DTNA: variants seen among roughly 807,000 people sequenced by gnomAD.
DTNA encodes the protein dystrophin-related protein 3.
In DTNA, 43 loss-of-function variants were observed where a neutral mutation model predicts 100.7. The observed-to-expected ratio is 0.43, with a 90% CI of 0.33 to 0.55. The LOEUF is 0.55. Among genes scored for constraint, DTNA ranks in the 20% least tolerant of loss-of-function variants. The pLI is 0.04. For synonymous variants in DTNA, 349 were observed against 347.9 expected, an observed-to-expected ratio of 1.00 and a Z score of -0.04; for missense variants, 798 against 953.9, an observed-to-expected ratio of 0.84 and a Z score of 2.15.
chr18:34,528,558 G>A (rs899605554), intron 1 of DTNA, among the ~76,000 whole-genome samples: 6 of 152,036 alleles, frequency 3.9e-5, no homozygotes, highest in African/African-American at 1.4e-4. Flanking sequence ...ATAACTGCGA[G>A]TGTGTTAGGT....
At chr18:34,651,871 C>G (rs1160680740) in intron 1 of DTNA, among the ~76,000 whole-genome samples, 2 of 152,022 alleles carry the variant, frequency 1.3e-5, no homozygotes, top group African/African-American at 4.8e-5. Context: ...TGAGACCAGC[C>G]TGAGGAACAC....
intron 4 of DTNA, among the ~76,000 whole-genome samples, chr18:34,794,802 T>C (rs2094899847): frequency 6.6e-6 from 1 of 152,166 alleles, no homozygotes; most frequent in African/African-American, 2.4e-5. Context: ...CTCAGCTTCA[T>C]TTTTGTATAA....
chr18:34,771,955 A>G (rs1049657651), intron 3 of DTNA, among the ~76,000 whole-genome samples: 1 of 54,700 alleles, frequency 1.8e-5, no homozygotes. Context: ...ATGTCAGCAG[A>G]TCTTTTTTTT....
intron 1 of DTNA, among the ~76,000 whole-genome samples, chr18:34,518,354 C>G (rs2041850991): frequency 6.6e-6 from 1 of 151,948 alleles, no homozygotes; most frequent in African/African-American, 2.4e-5. Context: ...CAAATAGTTT[C>G]TTTCAGTGTG....
intron 1 of DTNA, among the ~76,000 whole-genome samples, chr18:34,502,477 T>C (rs1228974464): frequency 6.6e-6 from 1 of 152,204 alleles, no homozygotes; most frequent in East Asian, 1.9e-4. Flanking sequence ...TTTCCTCTTT[T>C]CTAATGTATG....
chr18:34,717,599 A>T (rs569393443), intron 1 of DTNA, among the ~76,000 whole-genome samples: 1 of 152,306 alleles, frequency 6.6e-6, no homozygotes, highest in Admixed American at 6.5e-5. Context: ...TATATTGAAT[A>T]TATTTGTGTT....
chr18:34,626,748 C>T (rs1031761903), intron 1 of DTNA, among the ~76,000 whole-genome samples: 1 of 152,322 alleles, frequency 6.6e-6, no homozygotes, highest in Admixed American at 6.5e-5. Context: ...AGGGTCTGCT[C>T]CAGTTGGCAT....
rs954418044 is a variant in DTNA at position 34,812,024 on chromosome 18, C to T, written c.514C>T (p.Arg172Trp). 3.1e-6 allele frequency: 5 copies of T among 1,614,032 alleles called. No homozygotes were observed. The highest frequency in any genetic ancestry group is 4.2e-6 in the Non-Finnish European group (5 of 1,179,966). Residue 172 changes from arginine to tryptophan, a missense_variant, in exon 6 of 23, where the codon CGG (arginine) becomes TGG (tryptophan). Arg to Trp is a moderately radical substitution (Grantham distance 101). Coordinates refer to ENST00000444659, the MANE Select transcript of DTNA (RefSeq NM_001386795.1). ...MVYGRYDQFL[R>W]EVLKLPTAVF... ...TTATGGACGATATGACCAATTCCTT[C>T]GGGAAGTTCTCAAACTACCCACGGC... is the stretch of plus-strand genomic sequence containing the variant.
chr18:34,645,073 G>A (rs1304691931), intron 1 of DTNA, among the ~76,000 whole-genome samples: 1 of 151,994 alleles, frequency 6.6e-6, no homozygotes, highest in African/African-American at 2.4e-5. Flanking sequence ...AAAACTCAAT[G>A]TTTTCCTAAG....
At position 34,747,104 on chromosome 18, in the gene DTNA, C is replaced by CTATCTATCTATCTATATATA. The variant is rs1041438583; in HGVS notation, c.-1-8869_-1-8868insCTATCTATCTATATATATAT. ...CCCATATCTATATCTATATCTGTAT[C>CTATCTATCTATCTATATATA]TATATATATATATATATGTTTATGT... On this transcript the variant is annotated intron_variant, in intron 1 of 22. Coordinates refer to ENST00000444659, the MANE Select transcript of DTNA (RefSeq NM_001386795.1). Among the ~76,000 whole-genome samples, 227 of 148,312 alleles carry CTATCTATCTATCTATATATA rather than the reference C, an allele frequency of 1.5e-3. 3 individuals are homozygous for CTATCTATCTATCTATATATA. Among genetic ancestry groups the CTATCTATCTATCTATATATA allele is most frequent in the African/African-American group, 5.6e-3 (224 of 39,852 alleles).
At chr18:34,698,155 A>G (rs2080851718) in intron 1 of DTNA, among the ~76,000 whole-genome samples, 1 of 152,020 alleles carries the variant, frequency 6.6e-6, no homozygotes, top group African/African-American at 2.4e-5. Context: ...ACCATTTGTC[A>G]TCCCCCTGAT....
chr18:34,876,995 C>T (rs550726364), intron 18 of DTNA, among the ~76,000 whole-genome samples: 9 of 152,084 alleles, frequency 5.9e-5, no homozygotes, highest in East Asian at 1.9e-4. Flanking sequence ...TGAAAAATGA[C>T]GGAATGAAAT....
intron 1 of DTNA, among the ~76,000 whole-genome samples, chr18:34,613,474 ACAGT>A (rs1298186942): frequency 2.6e-5 from 4 of 152,222 alleles, no homozygotes; most frequent in Admixed American, 2.0e-4. Flanking sequence ...CTTGCACCAA[ACAGT>A]CAGCCAAATT....
intron 4 of DTNA, among the ~76,000 whole-genome samples, chr18:34,797,316 G>C (rs1376753288): frequency 6.6e-6 from 1 of 152,186 alleles, no homozygotes; most frequent in Non-Finnish European, 1.5e-5. Flanking sequence ...GAATGGATGA[G>C]TGTGCCTGAG....
chr18:34,630,338 A>T (rs899551491), intron 1 of DTNA, among the ~76,000 whole-genome samples: 1 of 152,168 alleles, frequency 6.6e-6, no homozygotes, highest in African/African-American at 2.4e-5. Flanking sequence ...ATTCTCCTGA[A>T]TTCATAAAAT....
chr18:34,758,033 G>A (rs1247557044), intron 2 of DTNA, among the ~76,000 whole-genome samples: 3 of 152,208 alleles, frequency 2.0e-5, no homozygotes, highest in Non-Finnish European at 4.4e-5. Flanking sequence ...AAAACAATTG[G>A]CTGGTTTCAA....
chr18:34,867,128 G>A (rs1432377336), intron 17 of DTNA: 2 of 1,231,032 alleles, frequency 1.6e-6, no homozygotes, highest in East Asian at 3.2e-5. Context: ...TATTTCCATG[G>A]ATCAATTAGA....
chr18:34,821,722 G>A (rs1002689121), intron 9 of DTNA, among the ~76,000 whole-genome samples: 1 of 152,172 alleles, frequency 6.6e-6, no homozygotes, highest in East Asian at 1.9e-4. Context: ...CTTATGAACT[G>A]CCTGTAGTTT....
At chr18:34,520,020 T>C (rs2042014146) in intron 1 of DTNA, among the ~76,000 whole-genome samples, 1 of 152,194 alleles carries the variant, frequency 6.6e-6, no homozygotes, top group South Asian at 2.1e-4. Flanking sequence ...AAGAAGCTGA[T>C]GTCTTAAATG....
Sources: gnomAD v4.1 joint callset for allele counts (sites outside exome capture counted in the v4.1 genomes callset) on GRCh38, gnomAD v4.1.1 for gene constraint, MANE v1.5 for transcripts, NCBI Gene and HGNC (gene_info 2026-07-23, HGNC 2026-07-21) for gene names.